Variants in ADGB observed in about 807,000 individuals in gnomAD.
The protein encoded by ADGB is calpain-7-like protein.
A neutral mutation model predicts 210.5 loss-of-function variants in ADGB; 172 were observed. The observed-to-expected ratio is 0.82, with a 90% CI of 0.72 to 0.93. The LOEUF (loss-of-function observed/expected upper bound fraction) is 0.93. Ranked by LOEUF, ADGB falls within the 40% of genes least tolerant of loss-of-function variation. The pLI, the probability that ADGB is intolerant of heterozygous loss-of-function variation, is 0.00. For synonymous variants in ADGB, 658 were observed against 662.7 expected, an observed-to-expected ratio of 0.99 and a Z score of 0.11; for missense variants, 2,025 against 1,964.8, an observed-to-expected ratio of 1.03 and a Z score of -0.58.
intron 29 of ADGB, among the ~76,000 whole-genome samples, chr6:146,773,178 TTATTAA>T (rs1273831248): frequency 6.6e-6 from 1 of 152,226 alleles, no homozygotes; most frequent in African/African-American, 2.4e-5. Flanking sequence ...AAATTCATAA[TTATTAA>T]TATTAAGACT....
chr6:146,691,144 A>C lies in ADGB; in HGVS notation c.1340A>C (p.Tyr447Ser), dbSNP rs749698248. ...MADSAEKLRE[Y>S]GLSHICSHPV... ...GATTCTGCTGAGAAACTTAGAGAAT[A>C]TGGGCTTTCCCACATCTGTAGCCAT... Residue 447 changes from tyrosine to serine, a missense_variant, in exon 11 of 36, where the codon TAT becomes TCT. Coordinates refer to ENST00000397944, the MANE Select transcript of ADGB (RefSeq NM_024694.4). 3 of 1,542,272 alleles carry C rather than the reference A, an allele frequency of 1.9e-6. No homozygotes were observed. Among genetic ancestry groups the C allele is most frequent in the Non-Finnish European group, 2.6e-6 (3 of 1,143,316 alleles).
chr6:146,752,730 T>C lies in ADGB; in HGVS notation c.3550+16T>C. 6.5e-7 allele frequency: 1 copy of C among 1,530,694 alleles called. No homozygotes were observed. Among genetic ancestry groups the C allele is most frequent in the Non-Finnish European group, 8.8e-7 (1 of 1,138,064 alleles). 94.8% of individuals were successfully genotyped at this position (1,530,694 alleles called of 1,614,324 possible). A position where few individuals can be genotyped will look rare whatever the true frequency, so the allele number is the denominator to read the frequency against. On this transcript the variant is annotated intron_variant, in intron 27 of 35. Coordinates refer to ENST00000397944, the MANE Select transcript of ADGB (RefSeq NM_024694.4). ...AGCTCCCAGTGTAAGTGTACCTTTA[T>C]GAACAGGATAGTTAGATTCATAAAT... is the stretch of plus-strand genomic sequence containing the variant.
At chr6:146,636,478 C>T (rs1374236244) in intron 2 of ADGB, among the ~76,000 whole-genome samples, 1 of 152,046 alleles carries the variant, frequency 6.6e-6, no homozygotes, top group Non-Finnish European at 1.5e-5. Context: ...CTTTGTACCA[C>T]ATCTAAAATG....
chr6:146,675,610 G>A (rs1359074765), intron 8 of ADGB, among the ~76,000 whole-genome samples: 1 of 152,040 alleles, frequency 6.6e-6, no homozygotes, highest in Admixed American at 6.6e-5. Flanking sequence ...TACAAACTTA[G>A]CAGATGATGC....
At position 146,726,165 on chromosome 6, in the gene ADGB, G is replaced by A; in HGVS notation, c.2320G>A (p.Asp774Asn). The change falls in exon 19 of 36, where the codon GAT becomes AAT. Residue 774 changes from aspartate (D) to asparagine (N), a missense_variant. Transcript: ENST00000397944. ...ICSMVSFVIG[D>N]EHVVLPNFEP... ...CAGCATGGTGTCATTTGTCATTGGG[G>A]ATGAACACGTTGTACTGCCCAACTT... is the stretch of plus-strand genomic sequence containing the variant. The A allele has an allele frequency of 6.5e-7, 1 of 1,549,656 alleles. No homozygotes were observed. The highest frequency in any genetic ancestry group is 8.7e-7 in the Non-Finnish European group (1 of 1,145,106).
intron 13 of ADGB, among the ~76,000 whole-genome samples, chr6:146,707,421 G>C (rs1776588701): frequency 6.6e-6 from 1 of 152,066 alleles, no homozygotes; most frequent in African/African-American, 2.4e-5. Context: ...ATCCTTTGCT[G>C]AAAGAGGAGT....
Position 146,769,107 on chromosome 6 carries a change from G to A in ADGB, c.3838G>A (p.Asp1280Asn), listed in dbSNP as rs1777616904. 6.6e-7 allele frequency: 1 copy of A among 1,523,562 alleles called. No individual in the cohort carries two copies. Among genetic ancestry groups the A allele is most frequent in the Non-Finnish European group, 8.9e-7 (1 of 1,127,350 alleles). 94.4% of individuals were successfully genotyped at this position (1,523,562 alleles called of 1,614,324 possible). ...GCTGACATTTGTTCAAGCACTGAAAGACTTAAAGAAAAGTAATACCAAAGG... is the reference window on the plus strand; with the variant it reads ...GCTGACATTTGTTCAAGCACTGAAAAACTTAAAGAAAAGTAATACCAAAGG... ...SQLTFVQALK[D>N]LKKSNTKAYG... The change falls in exon 29 of 36, where the codon GAC (aspartate) becomes AAC (asparagine). Residue 1280 changes from aspartate to asparagine, a missense_variant. Transcript: ENST00000397944.
intron 17 of ADGB, among the ~76,000 whole-genome samples, chr6:146,723,565 T>C (rs12204637): frequency 0.2 from 29,641 of 151,858 alleles, 3,514 homozygotes; most frequent in Middle Eastern, 0.29. Context: ...GGTGAAACCC[T>C]GTCTCTACTA....
At chr6:146,707,057 T>C (rs561554892) in intron 13 of ADGB, among the ~76,000 whole-genome samples, 2 of 152,248 alleles carry the variant, frequency 1.3e-5, no homozygotes, top group South Asian at 4.1e-4. Flanking sequence ...TATGTCAATT[T>C]TCATTTGTCT....
intron 31 of ADGB, among the ~76,000 whole-genome samples, chr6:146,785,397 C>A (rs534039299): frequency 3.5e-4 from 54 of 152,256 alleles, no homozygotes; most frequent in Non-Finnish European, 6.6e-4. Context: ...GCTGCTTCTT[C>A]ATCTATTCTC....
intron 3 of ADGB, among the ~76,000 whole-genome samples, chr6:146,652,978 G>A (rs979458865): frequency 4.6e-5 from 7 of 152,080 alleles, no homozygotes; most frequent in Non-Finnish European, 7.4e-5. Context: ...GGTGAGCAGC[G>A]GGCGAACAAG....
At position 146,598,981 on chromosome 6, in the gene ADGB, G is replaced by A; in HGVS notation, c.-60G>A. 2 of 1,466,876 alleles carry A rather than the reference G, an allele frequency of 1.4e-6. No individual in the cohort carries two copies. Among genetic ancestry groups the A allele is most frequent in the Non-Finnish European group, 1.9e-6 (2 of 1,071,266 alleles). The allele number at this position is 1,466,876 out of a possible 1,614,324, so 90.9% of individuals were successfully genotyped here. A position where few individuals can be genotyped will look rare whatever the true frequency, so the allele number is the denominator to read the frequency against. On this transcript the variant is annotated 5_prime_UTR_variant, in exon 1 of 36. Coordinates refer to ENST00000397944, the MANE Select transcript of ADGB (RefSeq NM_024694.4). ...CGTCTCCTGGCAACGCAGACGCGGA[G>A]CCGAGCGCGCCCGCAGGCTCTTTGC...
intron 12 of ADGB, among the ~76,000 whole-genome samples, chr6:146,697,699 A>T (rs188687153): frequency 6.6e-6 from 1 of 152,288 alleles, no homozygotes; most frequent in Non-Finnish European, 1.5e-5. Context: ...GGTTCTCAGA[A>T]GTAGGAGATA....
rs149796033 is a variant in ADGB at position 146,743,865 on chromosome 6, G to A, written c.3178-2057G>A. 4.7e-3 allele frequency among the ~76,000 whole-genome samples: 715 copies of A among 152,268 alleles called. 2 individuals are homozygous for A. Among genetic ancestry groups the A allele is most frequent in the African/African-American group, 0.016 (669 of 41,554 alleles). ...GAAGACAGAGGTTGCAGTGAGCCGT[G>A]ATCACGCCACTGCTTTCCAGCCTGG... On this transcript the variant is annotated intron_variant, in intron 25 of 35. Coordinates refer to ENST00000397944, the MANE Select transcript of ADGB (RefSeq NM_024694.4).
chr6:146,741,640 G>C (rs1777165049), intron 25 of ADGB, among the ~76,000 whole-genome samples: 1 of 152,002 alleles, frequency 6.6e-6, no homozygotes, highest in South Asian at 2.1e-4. Flanking sequence ...TTTCCCACTG[G>C]GTTTTTATTC....
At chr6:146,724,383 G>T (rs1404925032) in intron 18 of ADGB, 56 bp downstream of exon 18, 3 of 1,468,144 alleles carry the variant, frequency 2.0e-6, no homozygotes, top group Non-Finnish European at 2.7e-6. Flanking sequence ...CTTGCAAATT[G>T]TTGGTTACTA....
At chr6:146,725,970 T>G in intron 18 of ADGB, 113 bp from the exon 19 acceptor site, 1 of 596,108 alleles carries the variant, frequency 1.7e-6, no homozygotes, top group East Asian at 2.8e-5. Context: ...AAAATTGAAC[T>G]CTTCCCTAAC....
chr6:146,678,848 T>G (rs1331040779), intron 9 of ADGB, among the ~76,000 whole-genome samples: 1 of 152,214 alleles, frequency 6.6e-6, no homozygotes, highest in Non-Finnish European at 1.5e-5. Flanking sequence ...CACTAGCTGG[T>G]ATGACTAACA....
chr6:146,720,731 G>A (rs1352201952), intron 16 of ADGB, among the ~76,000 whole-genome samples: 4 of 152,160 alleles, frequency 2.6e-5, no homozygotes, highest in Non-Finnish European at 4.4e-5. Flanking sequence ...AGGAGAGAGA[G>A]AGAGACAGGA....
Sources: gnomAD v4.1 joint callset for allele counts (sites outside exome capture counted in the v4.1 genomes callset) on GRCh38, gnomAD v4.1.1 for gene constraint, MANE v1.5 for transcripts, NCBI Gene and HGNC (gene_info 2026-07-23, HGNC 2026-07-21) for gene names.